Variants in ASIC2 observed in about 807,000 individuals in gnomAD.
ASIC2 encodes acid-sensing ion channel 2.
ASIC2 carries 25 observed loss-of-function variants against 57.3 expected under a neutral mutation model. The ratio of observed to expected loss-of-function variants is 0.44; its 90% CI spans 0.32 to 0.61. ASIC2 has a LOEUF of 0.61. ASIC2 is among the 20% of genes least tolerant of loss of function. The probability of loss-of-function intolerance (pLI) is 0.06; values close to 1 mark genes in which losing one functional copy is unlikely to be tolerated. For synonymous variants in ASIC2, 319 were observed against 307.5 expected (o/e 1.04, Z -0.39); for missense variants, 641 against 738.1 (o/e 0.87, Z 1.52).
In ASIC2 at chr17:34,138,160, G is replaced by A. The variant is rs140385827; in HGVS notation, c.555+17818C>T. Reference sequence around the variant, plus strand: ...GGGAGTGCACGAGACCATGAGCTGTGAGACCTTGTCAATTGCCTTCATCTT... The same window carrying A: ...GGGAGTGCACGAGACCATGAGCTGTAAGACCTTGTCAATTGCCTTCATCTT... On this transcript the variant is annotated intron_variant, in intron 1 of 9. Transcript: ENST00000359872. Among the ~76,000 whole-genome samples, 88 of 152,240 alleles carry A rather than the reference G, an allele frequency of 5.8e-4. 1 individual carries two copies. In the East Asian group the frequency reaches 0.012, roughly 20 times the overall value.
In ASIC2 at chr17:33,910,900, G is replaced by A. The variant is rs1003875358; in HGVS notation, c.555+245078C>T. ...GGGGAGCTTGTCCAGTGGAGAGGGA[G>A]TGGAGGCTATTTCAACCGTGTGCAG... is the stretch of plus-strand genomic sequence containing the variant. On this transcript the variant is annotated intron_variant, in intron 1 of 9. Coordinates refer to the ASIC2 transcript ENST00000359872. 3.9e-5 allele frequency among the ~76,000 whole-genome samples: 6 copies of A among 152,342 alleles called. No homozygotes were observed. In the South Asian group the frequency reaches 6.2e-4, roughly 16 times the overall value.
At chr17:33,930,834 A>G (rs757695589) in intron 1 of ASIC2, among the ~76,000 whole-genome samples, 4 of 152,202 alleles carry the variant, frequency 2.6e-5, no homozygotes, top group African/African-American at 7.2e-5. Context: ...AGGGGATGCC[A>G]GGGGAGAGCC....
chr17:34,037,651 A>G, intron 1 of ASIC2: 2 of 1,612,626 alleles, frequency 1.2e-6, no homozygotes, highest in Non-Finnish European at 1.7e-6. Context: ...TGGACGCCCC[A>G]GAGGTTGATG....
At chr17:33,307,666 G>A (rs947074956) in intron 1 of ASIC2, among the ~76,000 whole-genome samples, 1 of 152,112 alleles carries the variant, frequency 6.6e-6, no homozygotes, top group Non-Finnish European at 1.5e-5. Context: ...ACTCTTCCTT[G>A]CTTCTGCAGA....
chr17:34,009,076 CTTT>C (rs111858942), intron 1 of ASIC2, among the ~76,000 whole-genome samples: 1 of 147,084 alleles, frequency 6.8e-6, no homozygotes, highest in Non-Finnish European at 1.5e-5. Context: ...CACAGTCCAC[CTTT>C]TTTTTTTTCC....
intron 1 of ASIC2, among the ~76,000 whole-genome samples, chr17:33,308,417 A>G (rs889865742): frequency 1.3e-5 from 2 of 152,178 alleles, no homozygotes; most frequent in African/African-American, 4.8e-5. Flanking sequence ...GCTCTTCTAC[A>G]TCTTCTCTTG....
intron 1 of ASIC2, among the ~76,000 whole-genome samples, chr17:33,328,171 T>C (rs1276155772): frequency 6.6e-6 from 1 of 152,116 alleles, no homozygotes; most frequent in Non-Finnish European, 1.5e-5. Context: ...AAATAAGTGC[T>C]GATGGTGACT....
chr17:33,129,223 C>T (rs1434781311), intron 1 of ASIC2, among the ~76,000 whole-genome samples: 1 of 152,188 alleles, frequency 6.6e-6, no homozygotes, highest in Non-Finnish European at 1.5e-5. Flanking sequence ...TCACGGCAAA[C>T]CCCTTCCTGT....
intron 1 of ASIC2, among the ~76,000 whole-genome samples, chr17:34,116,842 T>C (rs1294819029): frequency 1.3e-5 from 2 of 152,092 alleles, no homozygotes; most frequent in Admixed American, 1.3e-4. Flanking sequence ...CGATACCTTT[T>C]GCAAGTGTGT....
rs1904702105 is a variant in ASIC2, at chr17:33,588,145, T to C, written c.556-476078A>G. On this transcript the variant is annotated intron_variant, in intron 1 of 9. Coordinates refer to the ASIC2 transcript ENST00000359872. ...AGAATGTCTCTGTTAAAATGAATGG[T>C]ATTTTCAAAAGACCATGCATGATGT... Among the ~76,000 whole-genome samples the C allele has an allele frequency of 3.3e-5, 5 of 152,234 alleles. No homozygotes were observed. The South Asian group carries it at 1.0e-3, about 32-fold the overall frequency.
chr17:33,757,607 A>G (rs1567707853), intron 1 of ASIC2, among the ~76,000 whole-genome samples: 1 of 152,252 alleles, frequency 6.6e-6, no homozygotes, highest in East Asian at 1.9e-4. Flanking sequence ...TGACCCCACA[A>G]CAAATACAGC....
At chr17:33,712,759 C>T (rs1196902371) in intron 1 of ASIC2, among the ~76,000 whole-genome samples, 1 of 148,896 alleles carries the variant, frequency 6.7e-6, no homozygotes, top group African/African-American at 2.5e-5. Context: ...CATTCTCCTG[C>T]CTCAGCCTCC....
intron 3 of ASIC2, among the ~76,000 whole-genome samples, chr17:33,051,294 AC>A: frequency 6.6e-6 from 1 of 152,118 alleles, no homozygotes; most frequent in Non-Finnish European, 1.5e-5. Context: ...TTGAATGAGA[AC>A]CCAAGTCTTT....
intron 1 of ASIC2, among the ~76,000 whole-genome samples, chr17:34,013,670 C>T (rs1906849018): frequency 6.6e-6 from 1 of 152,180 alleles, no homozygotes. Context: ...GATGAGGAAA[C>T]TGGGGCTCTG....
intron 1 of ASIC2, among the ~76,000 whole-genome samples, chr17:33,850,367 A>G (rs1184788188): frequency 6.6e-6 from 1 of 152,230 alleles, no homozygotes; most frequent in Non-Finnish European, 1.5e-5. Flanking sequence ...CACATATCCT[A>G]TTTGCTATCA....
At chr17:33,260,547 C>T (rs1367892496) in intron 1 of ASIC2, among the ~76,000 whole-genome samples, 1 of 152,186 alleles carries the variant, frequency 6.6e-6, no homozygotes, top group African/African-American at 2.4e-5. Flanking sequence ...CACTATGGAT[C>T]GCTGCCGCCA....
intron 1 of ASIC2, among the ~76,000 whole-genome samples, chr17:33,421,715 G>A (rs1911051042): frequency 1.3e-5 from 2 of 152,192 alleles, no homozygotes. Flanking sequence ...GGAAGAACAG[G>A]ACAGAGAATC....
intron 1 of ASIC2, among the ~76,000 whole-genome samples, chr17:33,697,072 C>G (rs889460691): frequency 6.6e-6 from 1 of 152,092 alleles, no homozygotes; most frequent in Non-Finnish European, 1.5e-5. Flanking sequence ...TGGTTCCTCC[C>G]TCCCTCCCTA....
At chr17:33,128,534 G>A (rs1305468744) in intron 1 of ASIC2, among the ~76,000 whole-genome samples, 1 of 152,180 alleles carries the variant, frequency 6.6e-6, no homozygotes, top group African/African-American at 2.4e-5. Context: ...CAGGAGGGAA[G>A]TTGGCAGGAG....
Sources: gnomAD v4.1 joint callset for allele counts (sites outside exome capture counted in the v4.1 genomes callset) on GRCh38, gnomAD v4.1.1 for gene constraint, MANE v1.5 for transcripts, NCBI Gene and HGNC (gene_info 2026-07-23, HGNC 2026-07-21) for gene names.